The following CPNE4 variants were observed in gnomAD, a reference collection of about 807,000 sequenced individuals.
The protein encoded by CPNE4 is copine 4.
CPNE4 carries 25 observed loss-of-function variants against 67.9 expected under a neutral mutation model. The ratio of observed to expected loss-of-function variants is 0.37; its 90% CI spans 0.27 to 0.51. The LOEUF is 0.51. CPNE4 is among the 20% of genes least tolerant of loss of function. The pLI is 0.93. For synonymous variants in CPNE4, 242 were observed against 244.9 expected, an observed-to-expected ratio of 0.99 and a Z score of 0.11; for missense variants, 464 against 690.8, an observed-to-expected ratio of 0.67 and a Z score of 3.68.
At chr3:131,750,094 T>A (rs1215477170) in intron 2 of CPNE4, among the ~76,000 whole-genome samples, 1 of 152,150 alleles carries the variant, frequency 6.6e-6, no homozygotes, top group Non-Finnish European at 1.5e-5. Context: ...AGTGACCTTA[T>A]CTAATTCTAA....
intron 3 of CPNE4, among the ~76,000 whole-genome samples, chr3:131,711,288 G>C (rs1472745249): frequency 6.6e-6 from 1 of 152,146 alleles, no homozygotes; most frequent in Non-Finnish European, 1.5e-5. Context: ...GCTCTGGTTG[G>C]CTAAACTCAG....
chr3:131,761,597 G>A (rs1464172789), intron 2 of CPNE4, among the ~76,000 whole-genome samples: 4 of 151,972 alleles, frequency 2.6e-5, no homozygotes, highest in Non-Finnish European at 5.9e-5. Flanking sequence ...GATGGCTCTC[G>A]ACTCCTCCAG....
At chr3:131,683,101 A>T (rs1414098598) in intron 6 of CPNE4, among the ~76,000 whole-genome samples, 1 of 152,036 alleles carries the variant, frequency 6.6e-6, no homozygotes, top group Non-Finnish European at 1.5e-5. Context: ...TTAATCGGGG[A>T]CCCCAAGAGC....
intron 2 of CPNE4, among the ~76,000 whole-genome samples, chr3:131,834,324 T>A (rs2108002558): frequency 6.6e-6 from 1 of 152,316 alleles, no homozygotes; most frequent in East Asian, 1.9e-4. Context: ...CATACACTTG[T>A]TTATTCCTTT....
intron 14 of CPNE4, among the ~76,000 whole-genome samples, chr3:131,544,666 G>A (rs944671374): frequency 6.6e-6 from 1 of 152,200 alleles, no homozygotes; most frequent in African/African-American, 2.4e-5. Flanking sequence ...GGTGCAGAGA[G>A]AAGCGGCAGA....
chr3:131,647,785 T>A (rs2079702038), intron 7 of CPNE4, among the ~76,000 whole-genome samples: 1 of 152,158 alleles, frequency 6.6e-6, no homozygotes, highest in African/African-American at 2.4e-5. Context: ...CTACTTTCCC[T>A]TTTACCCTTT....
At chr3:131,829,545 G>T (rs1385805700) in intron 2 of CPNE4, among the ~76,000 whole-genome samples, 2 of 152,138 alleles carry the variant, frequency 1.3e-5, no homozygotes, top group East Asian at 1.9e-4. Flanking sequence ...TAAAATGTGT[G>T]CCTCTGCTGA....
chr3:131,756,775 C>T (rs916796091), intron 2 of CPNE4, among the ~76,000 whole-genome samples: 6 of 152,174 alleles, frequency 3.9e-5, no homozygotes, highest in Non-Finnish European at 5.9e-5. Context: ...TCGCCCAAAT[C>T]TCAACTTGGA....
chr3:131,867,565 T>C (rs61162787), intron 2 of CPNE4, among the ~76,000 whole-genome samples: 1 of 152,122 alleles, frequency 6.6e-6, no homozygotes, highest in African/African-American at 2.4e-5. Context: ...CAGCCCTCCA[T>C]GCAAATGCCA....
chr3:131,741,990 T>C (rs2082368344), intron 2 of CPNE4, among the ~76,000 whole-genome samples: 1 of 152,188 alleles, frequency 6.6e-6, no homozygotes, highest in Non-Finnish European at 1.5e-5. Flanking sequence ...CATGTGAGGA[T>C]GTGATGTTTG....
chr3:131,908,627 C>T (rs373156856), intron 1 of CPNE4, among the ~76,000 whole-genome samples: 4 of 141,838 alleles, frequency 2.8e-5, no homozygotes, highest in African/African-American at 1.1e-4. Flanking sequence ...TCTTCCAAAT[C>T]CACTGTTTTA....
chr3:131,568,473 G>A (rs915508473), intron 10 of CPNE4, among the ~76,000 whole-genome samples: 5 of 151,976 alleles, frequency 3.3e-5, no homozygotes, highest in Admixed American at 6.6e-5. Flanking sequence ...TCTGAATACC[G>A]GTGAGCTCGC....
chr3:131,567,102 T>C (rs998157043), intron 10 of CPNE4, among the ~76,000 whole-genome samples: 1 of 152,014 alleles, frequency 6.6e-6, no homozygotes, highest in African/African-American at 2.4e-5. Context: ...CTGTCCCATG[T>C]GCTGGTTGTC....
At chr3:131,623,576 G>A (rs1489244092) in intron 7 of CPNE4, among the ~76,000 whole-genome samples, 6 of 152,160 alleles carry the variant, frequency 3.9e-5, no homozygotes, top group Non-Finnish European at 7.4e-5. Context: ...CCTCCCTCCT[G>A]AAATTGATTT....
intron 1 of CPNE4, among the ~76,000 whole-genome samples, chr3:131,959,502 C>A (rs937440086): frequency 6.6e-6 from 1 of 152,146 alleles, no homozygotes; most frequent in African/African-American, 2.4e-5. Context: ...GGACAGAATG[C>A]TACAGATAGC....
At chr3:131,597,070 C>T (rs182677047) in intron 7 of CPNE4, among the ~76,000 whole-genome samples, 1 of 152,304 alleles carries the variant, frequency 6.6e-6, no homozygotes, top group Admixed American at 6.5e-5. Flanking sequence ...TTGTTGTAAG[C>T]ATTTGTCATG....
chr3:131,587,777 A>C (rs1234226355), intron 7 of CPNE4, among the ~76,000 whole-genome samples, 195 bp from the exon 8 acceptor site: 2 of 152,226 alleles, frequency 1.3e-5, no homozygotes, highest in Non-Finnish European at 2.9e-5. Flanking sequence ...TGTAATCTGC[A>C]AATGGCCCTG....
chr3:131,985,994 G>A (rs907955493), intron 1 of CPNE4: 11 of 154,104 alleles, frequency 7.1e-5, no homozygotes, highest in African/African-American at 2.4e-4. Flanking sequence ...GAAGAAATAC[G>A]ATAATTATAT....
intron 1 of CPNE4, among the ~76,000 whole-genome samples, chr3:131,942,459 TGTGTGAGAGAGAGAGAGAGAGA>T (rs1383024190): frequency 2.3e-3 from 131 of 56,382 alleles, no homozygotes; most frequent in African/African-American, 8.9e-3. Context: ...TGTGTGTGTG[TGTGTGAGAGAGAGAGAGAGAGA>T]GAGAGAGAGA....
Sources: gnomAD v4.1 joint callset for allele counts (sites outside exome capture counted in the v4.1 genomes callset) on GRCh38, gnomAD v4.1.1 for gene constraint, MANE v1.5 for transcripts, NCBI Gene and HGNC (gene_info 2026-07-23, HGNC 2026-07-21) for gene names.